The following CRMP1 variants were observed in gnomAD, a reference collection of about 807,000 sequenced individuals.
CRMP1 encodes the protein collapsin response mediator protein 1, also known as dihydropyrimidinase-related protein 1.
A neutral mutation model predicts 68.3 loss-of-function variants in CRMP1; 19 were observed. The observed-to-expected ratio is 0.28, with a 90% CI of 0.19 to 0.41. The LOEUF is 0.41. Ranked by LOEUF, CRMP1 falls within the 10% of genes least tolerant of loss-of-function variation. The pLI is 1.00. For synonymous variants in CRMP1, 439 were observed against 399.6 expected, an observed-to-expected ratio of 1.10 and a Z score of -1.18; for missense variants, 791 against 967.4, an observed-to-expected ratio of 0.82 and a Z score of 2.42.
Position 5,841,601 on chromosome 4 carries a change from T to A in CRMP1, c.1033-173A>T, listed in dbSNP as rs2286280. ...GCCCCCTGCTCTCCGGGGTGGAGCA[T>A]TGGTCTCACGCTGGGATACGGCAGC... On this transcript the variant is annotated intron_variant, in intron 7 of 13. Coordinates refer to ENST00000324989, the MANE Select transcript of CRMP1 (RefSeq NM_001014809.3). This position sits in a 1 kb window ranked among gnomAD's most constrained non-coding sequence, Gnocchi z 6.9. 1.3e-5 allele frequency among the ~76,000 whole-genome samples: 2 copies of A among 152,000 alleles called. No individual in the cohort carries two copies. The highest frequency in any genetic ancestry group is 4.2e-4 in the South Asian group (2 of 4,818).
rs1185617508 is a variant in CRMP1, at chr4:5,872,020, C to T, written c.382-5264G>A. ...CAACCAGTAAGGATGCAGGCTAGAG[C>T]CAAGGGTTCCTAATGGCCTGTCCAG... On this transcript the variant is annotated intron_variant, in intron 1 of 13. Coordinates refer to ENST00000324989, the MANE Select transcript of CRMP1 (RefSeq NM_001014809.3). The surrounding 1 kb of genome is among the most constrained non-coding windows in gnomAD (Gnocchi z 4.6). Among the ~76,000 whole-genome samples the T allele has an allele frequency of 6.6e-6, 1 of 152,134 alleles. No homozygotes were observed. The highest frequency in any genetic ancestry group is 6.5e-5 in the Admixed American group (1 of 15,268).
At chr4:5,836,452 G>A (rs909423628) in intron 10 of CRMP1, among the ~76,000 whole-genome samples, 3 of 152,138 alleles carry the variant, frequency 2.0e-5, no homozygotes, top group Admixed American at 6.6e-5. Flanking sequence ...CTCCTAACAC[G>A]TGTGCACATG....
Position 5,845,203 on chromosome 4 carries a change from T to C in CRMP1, c.964-2042A>G, listed in dbSNP as rs145377366. Among the ~76,000 whole-genome samples, 535 of 152,290 alleles carry C rather than the reference T, an allele frequency of 3.5e-3. 3 individuals are homozygous for C. The highest frequency in any genetic ancestry group is 0.012 in the African/African-American group (490 of 41,560). The stretch of plus-strand genomic sequence containing the variant: ...ACTCCCAGTGATCCCGCCTCCTGCT[T>C]TTCAAGGCCCTGCAGGGTCCCCTCC... On this transcript the variant is annotated intron_variant, in intron 6 of 13. Transcript: ENST00000324989.
Position 5,821,812 on chromosome 4 carries a change from T to G in CRMP1, c.2009A>C (p.His670Pro). 6.2e-7 allele frequency: 1 copy of G among 1,611,334 alleles called. No homozygotes were observed. The highest frequency in any genetic ancestry group is 1.1e-5 in the South Asian group (1 of 90,448). The change falls in exon 14 of 14, where the codon CAC becomes CCC. Residue 670 changes from histidine (H) to proline (P), a missense_variant. Coordinates refer to ENST00000324989, the MANE Select transcript of CRMP1 (RefSeq NM_001014809.3). The surrounding 1 kb of genome is among the most constrained non-coding windows in gnomAD (Gnocchi z 4.4). ...IDDNNPRRTG[H>P]RIVAPPGGRS... ...GCCACCAGGGGGCGCCACGATGCGG[T>G]GGCCGGTGCGCCTGGGATTGTTGTC...
At position 5,889,636 on chromosome 4, in the gene CRMP1, CT is replaced by C; in HGVS notation, c.381+2952del. ...AATAAAACACCAACCTTGTCCACCA[CT>C]TCGTTGTTCATTTTCTGCATGCGAA... On this transcript the variant is annotated intron_variant, in intron 1 of 13. Transcript: ENST00000324989. This position sits in a 1 kb window ranked among gnomAD's most constrained non-coding sequence, Gnocchi z 4.5. The C allele has an allele frequency of 1.3e-6, 2 of 1,536,184 alleles. No individual in the cohort carries two copies. The highest frequency in any genetic ancestry group is 2.7e-5 in the African/African-American group (2 of 73,170).
intron 6 of CRMP1, among the ~76,000 whole-genome samples, chr4:5,847,578 C>T (rs1315027933): frequency 1.3e-5 from 2 of 152,182 alleles, no homozygotes; most frequent in Non-Finnish European, 2.9e-5. Context: ...TGGTTTTTTA[C>T]ATTGAATTTG....
intron 11 of CRMP1, 77 bp from the exon 12 acceptor site, chr4:5,828,745 T>TAAC: frequency 6.6e-7 from 1 of 1,506,878 alleles, no homozygotes; most frequent in South Asian, 1.3e-5. Context: ...CGATTTTGCC[T>TAAC]AACATTATAT....
intron 11 of CRMP1, among the ~76,000 whole-genome samples, chr4:5,829,391 G>GA (rs1472468950): frequency 6.6e-6 from 1 of 152,080 alleles, no homozygotes; most frequent in Non-Finnish European, 1.5e-5. Flanking sequence ...TCTGTCTCCA[G>GA]AAAAAAACAA....
Position 5,825,981 on chromosome 4 carries a change from C to G in CRMP1, c.1804-322G>C. ...ATGCACATGCAGTAACAAAACAGGCCTACACAGTAGCATACACGCGTGAAC... is the reference window on the plus strand; with the variant it reads ...ATGCACATGCAGTAACAAAACAGGCGTACACAGTAGCATACACGCGTGAAC... On this transcript the variant is annotated intron_variant, in intron 12 of 13. Coordinates refer to ENST00000324989, the MANE Select transcript of CRMP1 (RefSeq NM_001014809.3). This position sits in a 1 kb window ranked among gnomAD's most constrained non-coding sequence, Gnocchi z 4.4. 1 of 389,212 alleles carries G rather than the reference C, an allele frequency of 2.6e-6. No homozygotes were observed. The highest frequency in any genetic ancestry group is 4.6e-6 in the Non-Finnish European group (1 of 216,892). The allele number at this position is 389,212 out of a possible 1,614,324, so 24.1% of individuals were successfully genotyped here. A position where few individuals can be genotyped will look rare whatever the true frequency, so the allele number is the denominator to read the frequency against.
At chr4:5,823,331 C>A (rs75457809) in intron 13 of CRMP1, among the ~76,000 whole-genome samples, 124 of 152,308 alleles carry the variant, frequency 8.1e-4, no homozygotes, top group African/African-American at 2.8e-3. Context: ...TGTCTTCTTG[C>A]AATACAAGTC....
chr4:5,831,549 C>T (rs536165059), intron 11 of CRMP1, among the ~76,000 whole-genome samples: 2 of 152,132 alleles, frequency 1.3e-5, no homozygotes, highest in Admixed American at 6.5e-5. Context: ...ATAACTGTGC[C>T]GAGGGACACA....
rs1460022494 is a variant in CRMP1 at position 5,872,976 on chromosome 4, C to T, written c.382-6220G>A. ...GAGATGGGGATAATTGGCTCTGCGT[C>T]CTAGGCATGTATTTGAAGTGCTTAC... On this transcript the variant is annotated intron_variant, in intron 1 of 13. Transcript: ENST00000324989. The surrounding 1 kb of genome is among the most constrained non-coding windows in gnomAD (Gnocchi z 4.6). Among the ~76,000 whole-genome samples, 2 of 152,208 alleles carry T rather than the reference C, an allele frequency of 1.3e-5. No individual in the cohort carries two copies. Among genetic ancestry groups the T allele is most frequent in the Non-Finnish European group, 2.9e-5 (2 of 68,038 alleles).
At chr4:5,827,457 G>C (rs1279039900) in intron 12 of CRMP1, among the ~76,000 whole-genome samples, 11 of 152,190 alleles carry the variant, frequency 7.2e-5, no homozygotes, top group Non-Finnish European at 2.9e-5. Context: ...ACCAAAACCA[G>C]ATGCAGAGCC....
chr4:5,892,523 G>A lies in CRMP1; in HGVS notation c.381+66C>T. 8.7e-7 allele frequency: 1 copy of A among 1,154,666 alleles called. No individual in the cohort carries two copies. The allele number at this position is 1,154,666 out of a possible 1,614,324, so 71.5% of individuals were successfully genotyped here. On this transcript the variant is annotated intron_variant, in intron 1 of 13. Transcript: ENST00000324989. The surrounding 1 kb of genome is among the most constrained non-coding windows in gnomAD (Gnocchi z 8.6). ...CGGGGCCCGGGCATGGCCCTCGGGC[G>A]CCCCATGCCCTGGGTCCTCCCGGGG...
Position 5,859,855 on chromosome 4 carries a change from G to C in CRMP1, c.655+1171C>G, listed in dbSNP as rs1394109182. On this transcript the variant is annotated intron_variant, in intron 3 of 13. Transcript: ENST00000324989. This position sits in a 1 kb window ranked among gnomAD's most constrained non-coding sequence, Gnocchi z 5.2. ...CTTCCAAAGGGACTCCTTTGTGAAG[G>C]AGCGGGAGAGATGGGCAGGGTTGGG... 6.6e-6 allele frequency among the ~76,000 whole-genome samples: 1 copy of C among 152,204 alleles called. No individual in the cohort carries two copies. Among genetic ancestry groups the C allele is most frequent in the Non-Finnish European group, 1.5e-5 (1 of 68,032 alleles).
rs145624238 is a variant in CRMP1 at position 5,855,863 on chromosome 4, G to A, written c.820+280C>T. On this transcript the variant is annotated intron_variant, in intron 4 of 13. Coordinates refer to ENST00000324989, the MANE Select transcript of CRMP1 (RefSeq NM_001014809.3). This position sits in a 1 kb window ranked among gnomAD's most constrained non-coding sequence, Gnocchi z 4.9. Reference sequence around the variant, plus strand: ...CAGCCAGGCTAGTGATCCGGGTGATGGAAAAGAAAAGTGAAGTTAGATCAG... The same window carrying A: ...CAGCCAGGCTAGTGATCCGGGTGATAGAAAAGAAAAGTGAAGTTAGATCAG... Among the ~76,000 whole-genome samples, 2 of 152,264 alleles carry A rather than the reference G, an allele frequency of 1.3e-5. No individual in the cohort carries two copies. Among genetic ancestry groups the A allele is most frequent in the South Asian group, 2.1e-4 (1 of 4,824 alleles).
chr4:5,820,805 T>C lies in CRMP1; in HGVS notation c.*955A>G, dbSNP rs1718402663. On this transcript the variant is annotated 3_prime_UTR_variant, in exon 14 of 14. Coordinates refer to ENST00000324989, the MANE Select transcript of CRMP1 (RefSeq NM_001014809.3). The stretch of plus-strand genomic sequence containing the variant: ...AGGTCAGTGGGCAGTTCATTTTCTT[T>C]ATTTTTTCACAAGCTTTGAATTCAG... The C allele has an allele frequency of 6.6e-6, 1 of 152,150 alleles. No individual in the cohort carries two copies. Among genetic ancestry groups the C allele is most frequent in the Non-Finnish European group, 1.5e-5 (1 of 68,038 alleles). 9.4% of individuals were successfully genotyped at this position (152,150 alleles called of 1,614,324 possible). A position where few individuals can be genotyped will look rare whatever the true frequency, so the allele number is the denominator to read the frequency against.
At position 5,842,745 on chromosome 4, in the gene CRMP1, G is replaced by C. The variant is rs1184575426; in HGVS notation, c.1032+348C>G. Among the ~76,000 whole-genome samples the C allele has an allele frequency of 6.6e-6, 1 of 152,136 alleles. No individual in the cohort carries two copies. The highest frequency in any genetic ancestry group is 1.9e-4 in the East Asian group (1 of 5,186). On this transcript the variant is annotated intron_variant, in intron 7 of 13. Transcript: ENST00000324989. The surrounding 1 kb of genome is among the most constrained non-coding windows in gnomAD (Gnocchi z 4.5). ...TCCTTTTTCAAGGCTTGGGAACAGG[G>C]CAGGCAGTGGGAGTTGTCTCCTGGG... is the stretch of plus-strand genomic sequence containing the variant.
In CRMP1 at chr4:5,825,435, G is replaced by C. The variant is rs2286285; in HGVS notation, c.1969+59C>G. 1,902 of 1,502,540 alleles carry C rather than the reference G, an allele frequency of 1.3e-3. 54 individuals are homozygous for C. In the East Asian group the frequency reaches 0.043, roughly 34 times the overall value. The allele number at this position is 1,502,540 out of a possible 1,614,324, so 93.1% of individuals were successfully genotyped here. A position where few individuals can be genotyped will look rare whatever the true frequency, so the allele number is the denominator to read the frequency against. On this transcript the variant is annotated intron_variant, in intron 13 of 13. Transcript: ENST00000324989. The surrounding 1 kb of genome is among the most constrained non-coding windows in gnomAD (Gnocchi z 4.4). ...GTGTCCATTTCCTCAGAAGCAGCAG[G>C]AAGGACTCGGCCTGAACTGCTGCAA...
Sources: gnomAD v4.1 joint callset for allele counts (sites outside exome capture counted in the v4.1 genomes callset) on GRCh38, gnomAD v4.1.1 for gene constraint, Gnocchi (gnomAD v3.1) non-coding constraint, MANE v1.5 for transcripts, NCBI Gene and HGNC (gene_info 2026-07-23, HGNC 2026-07-21) for gene names.